NDUFA10: variants seen among roughly 807,000 people sequenced by gnomAD.
NDUFA10 encodes NADH:ubiquinone oxidoreductase subunit A10, also known as NADH dehydrogenase [ubiquinone] 1 alpha subcomplex subunit 10, mitochondrial.
Under a neutral mutation model 47.8 loss-of-function variants are expected in NDUFA10, and 40 were observed. That is an observed-to-expected ratio of 0.84 (90% CI 0.65 to 1.09). The LOEUF (loss-of-function observed/expected upper bound fraction) is 1.09, where lower values mean the gene tolerates loss of function less well. Among genes scored for constraint, NDUFA10 ranks in the 50% least tolerant of loss-of-function variants. NDUFA10 has a pLI of 0.00. For missense variants in NDUFA10, 413 were observed against 451.1 expected, an observed-to-expected ratio of 0.92 and a Z score of 0.76; for synonymous variants, 183 against 172.2, an observed-to-expected ratio of 1.06 and a Z score of -0.49.
intron 8 of NDUFA10, among the ~76,000 whole-genome samples, chr2:240,003,325 G>C (rs955396019): frequency 6.6e-5 from 10 of 152,200 alleles, no homozygotes; most frequent in Non-Finnish European, 1.2e-4. Context: ...ACAGGGCCAA[G>C]AACAGAGCTG....
chr2:239,946,431 G>C (rs1393074126), intron 4 of NDUFA10, among the ~76,000 whole-genome samples: 1 of 152,206 alleles, frequency 6.6e-6, no homozygotes, highest in Non-Finnish European at 1.5e-5. Flanking sequence ...TGAGGTGCTG[G>C]GCCTGCAAAC....
intron 9 of NDUFA10, among the ~76,000 whole-genome samples, chr2:239,965,746 C>A (rs1413106311): frequency 6.6e-6 from 1 of 152,142 alleles, no homozygotes; most frequent in Non-Finnish European, 1.5e-5. Flanking sequence ...GGGCTTCTGC[C>A]GAGTATACAC....
At chr2:239,991,046 T>C (rs1376928810) in intron 8 of NDUFA10, among the ~76,000 whole-genome samples, 2 of 152,198 alleles carry the variant, frequency 1.3e-5, no homozygotes, top group Non-Finnish European at 1.5e-5. Context: ...ATGGAAATTA[T>C]GTGAGTGTAT....
At chr2:239,989,200 AC>A (rs1696147428) in intron 9 of NDUFA10, among the ~76,000 whole-genome samples, 1 of 152,226 alleles carries the variant, frequency 6.6e-6, no homozygotes, top group South Asian at 2.1e-4. Flanking sequence ...ACTGAATAAA[AC>A]CACTTCCAAA....
chr2:239,894,873 C>G (rs1446827660), intron 5 of NDUFA10, among the ~76,000 whole-genome samples: 1 of 152,144 alleles, frequency 6.6e-6, no homozygotes, highest in East Asian at 1.9e-4. Context: ...ATGAATATGG[C>G]TACAGGCACG....
chr2:239,916,848 C>T lies in NDUFA10; in HGVS notation c.295-21534G>A, dbSNP rs180874964. On this transcript the variant is annotated intron_variant, in intron 4 of 5. Transcript: ENST00000419408. ...CCTCACCAGCTCTTGGTGGCCCCAC[C>T]TCTTTGCACCATCCCTTTGGCCATT... Among the ~76,000 whole-genome samples the T allele has an allele frequency of 1.2e-4, 19 of 152,374 alleles. No individual in the cohort carries two copies. In the East Asian group the frequency reaches 3.5e-3, roughly 28 times the overall value.
intron 8 of NDUFA10, among the ~76,000 whole-genome samples, chr2:239,991,690 C>G (rs1024152452): frequency 6.6e-6 from 1 of 152,170 alleles, no homozygotes; most frequent in African/African-American, 2.4e-5. Flanking sequence ...TATCTTCTTA[C>G]TGTTAACACA....
At chr2:239,988,895 G>A (rs1007717772) in intron 9 of NDUFA10, among the ~76,000 whole-genome samples, 1 of 151,588 alleles carries the variant, frequency 6.6e-6, no homozygotes, top group Non-Finnish European at 1.5e-5. Context: ...GACAGAAAGG[G>A]AGACACAGCA....
intron 4 of NDUFA10, among the ~76,000 whole-genome samples, chr2:239,923,871 A>G (rs1435723638): frequency 6.6e-6 from 1 of 152,202 alleles, no homozygotes; most frequent in African/African-American, 2.4e-5. Flanking sequence ...AGACAAAGGA[A>G]AAAGAGAGAA....
rs558855151 is a variant in NDUFA10 at position 239,944,139 on chromosome 2, A to G, written c.294+45935T>C. On this transcript the variant is annotated intron_variant, in intron 4 of 5. Transcript: ENST00000419408. ...GAGCCACCCTGCCCCTGACCACTGC[A>G]GCCAGGCCCCTGAGAGGAGGCACAT... is the stretch of plus-strand genomic sequence containing the variant. 2.6e-5 allele frequency among the ~76,000 whole-genome samples: 4 copies of G among 152,216 alleles called. No homozygotes were observed. In the South Asian group the frequency reaches 8.3e-4, roughly 32 times the overall value.
At chr2:239,953,859 C>T (rs1371774328), downstream of NDUFA10, among the ~76,000 whole-genome samples, 2 of 152,274 alleles carry the variant, frequency 1.3e-5, no homozygotes, top group African/African-American at 4.8e-5. Flanking sequence ...CAAACCCACA[C>T]ACTGGCGTCT....
At chr2:239,893,537 G>T (rs983096521) in intron 5 of NDUFA10, among the ~76,000 whole-genome samples, 4 of 152,326 alleles carry the variant, frequency 2.6e-5, no homozygotes, top group Admixed American at 1.3e-4. Flanking sequence ...TCTGGTGAGG[G>T]CTGATCTCCG....
At chr2:239,939,999 G>C (rs1694336033) in intron 4 of NDUFA10, among the ~76,000 whole-genome samples, 1 of 152,242 alleles carries the variant, frequency 6.6e-6, no homozygotes, top group African/African-American at 2.4e-5. Context: ...GTCATGTCTT[G>C]CTCAGGTGTC....
chr2:239,978,989 C>T (rs1233434844), intron 9 of NDUFA10, among the ~76,000 whole-genome samples: 2 of 152,116 alleles, frequency 1.3e-5, no homozygotes, highest in African/African-American at 2.4e-5. Flanking sequence ...GTTAGAATAA[C>T]GGCTTTGTTT....
chr2:239,974,552 G>C (rs553884479), intron 9 of NDUFA10, among the ~76,000 whole-genome samples: 1 of 152,380 alleles, frequency 6.6e-6, no homozygotes, highest in South Asian at 2.1e-4. Context: ...GTCAGAGGTG[G>C]GGCCTGGTGG....
rs373237659 is a variant in NDUFA10, at chr2:240,016,155, C to G, written c.548-1295G>C. ...CTTTGGCTCAGGGTCAGGAACGGCA[C>G]GAGCTAAAGAACAAGGAAGACCACC... On this transcript the variant is annotated intron_variant, in intron 4 of 9. Transcript: ENST00000252711. The surrounding 1 kb of genome is among the most constrained non-coding windows in gnomAD (Gnocchi z 4.4). Among the ~76,000 whole-genome samples the G allele has an allele frequency of 1.3e-5, 2 of 152,180 alleles. No homozygotes were observed. The highest frequency in any genetic ancestry group is 2.9e-5 in the Non-Finnish European group (2 of 68,044).
chr2:239,911,715 CCTT>C (rs2106472062), intron 4 of NDUFA10, among the ~76,000 whole-genome samples: 1 of 148,060 alleles, frequency 6.8e-6, no homozygotes, highest in African/African-American at 2.5e-5. Flanking sequence ...CCCTGTTGCT[CCTT>C]CTCTCCCCTT....
At chr2:239,993,239 T>A (rs1185595792) in intron 8 of NDUFA10, among the ~76,000 whole-genome samples, 1 of 152,210 alleles carries the variant, frequency 6.6e-6, no homozygotes, top group Non-Finnish European at 1.5e-5. Context: ...AAAATGACAC[T>A]GTTACCACAG....
At chr2:240,013,748 C>T (rs953702552) in intron 5 of NDUFA10, 1 of 152,172 alleles carries the variant, frequency 6.6e-6, no homozygotes, top group Admixed American at 6.5e-5. Context: ...ACCCACCATC[C>T]AGAGAGGTAT....
Sources: allele counts gnomAD v4.1 joint callset (sites outside exome capture counted in the v4.1 genomes callset), GRCh38; gene constraint gnomAD v4.1.1; non-coding constraint Gnocchi (gnomAD v3.1); transcripts MANE v1.5; gene names NCBI Gene and HGNC (gene_info 2026-07-23, HGNC 2026-07-21).